Variants in ATG13 observed in about 807,000 individuals in gnomAD.
ATG13 encodes the protein autophagy-related protein 13.
ATG13 carries 23 observed loss-of-function variants against 65.5 expected under a neutral mutation model. That is an observed-to-expected ratio of 0.35 (90% CI 0.25 to 0.50). ATG13 has a LOEUF of 0.50. ATG13 is among the 20% of genes least tolerant of loss of function. ATG13 has a pLI of 0.98. For missense variants in ATG13, 566 were observed against 677.0 expected, an observed-to-expected ratio of 0.84 and a Z score of 1.82; for synonymous variants, 252 against 245.2, an observed-to-expected ratio of 1.03 and a Z score of -0.26.
At chr11:46,629,641 C>A (rs946930465) in intron 1 of ATG13, among the ~76,000 whole-genome samples, 8 of 152,164 alleles carry the variant, frequency 5.3e-5, no homozygotes, top group Admixed American at 3.3e-4. Flanking sequence ...AGATGATCCA[C>A]CCGCTTCGGC....
chr11:46,646,036 C>T (rs772654146), intron 5 of ATG13, 47 bp downstream of exon 5: 6 of 1,610,258 alleles, frequency 3.7e-6, no homozygotes, highest in African/African-American at 1.3e-5. Context: ...CTGAAGGCTC[C>T]TCACACTCTG....
intron 11 of ATG13, among the ~76,000 whole-genome samples, chr11:46,663,183 G>A (rs942253363): frequency 9.6e-5 from 14 of 145,108 alleles, no homozygotes; most frequent in East Asian, 6.5e-4. Context: ...GGAGAATGGC[G>A]TGAACCTGGG....
At chr11:46,659,997 T>A (rs1180185505) in intron 11 of ATG13, 1 of 153,384 alleles carries the variant, frequency 6.5e-6, no homozygotes, top group Admixed American at 6.5e-5. Context: ...CAGTCTTCAG[T>A]GGCAAACCCA....
chr11:46,639,948 G>T (rs1300210747), intron 2 of ATG13, among the ~76,000 whole-genome samples: 2 of 150,796 alleles, frequency 1.3e-5, no homozygotes, highest in African/African-American at 4.9e-5. Flanking sequence ...CTGCCTCCCA[G>T]GCTCAAGCAA....
intron 10 of ATG13, among the ~76,000 whole-genome samples, chr11:46,658,619 T>C (rs985652361): frequency 2.0e-5 from 3 of 151,742 alleles, no homozygotes; most frequent in Non-Finnish European, 4.4e-5. Context: ...CACCGCAGCC[T>C]TCACCTCTTG....
At chr11:46,650,735 A>T (rs2058721911) in intron 7 of ATG13, among the ~76,000 whole-genome samples, 1 of 152,178 alleles carries the variant, frequency 6.6e-6, no homozygotes, top group Non-Finnish European at 1.5e-5. Context: ...CCTCCCGAGT[A>T]GATGGGACTA....
rs1041133378 is a variant in ATG13, at chr11:46,673,917, T to C, written c.*1585T>C. ...GTGACACTGTTCCCACATACAAGGCTGACTTCTGAGGATTGGAGCAGGCTC... is the reference window on the plus strand; with the variant it reads ...GTGACACTGTTCCCACATACAAGGCCGACTTCTGAGGATTGGAGCAGGCTC... On this transcript the variant is annotated 3_prime_UTR_variant, in exon 19 of 19. Transcript: ENST00000683050. 3.9e-5 allele frequency: 6 copies of C among 152,344 alleles called. No individual in the cohort carries two copies. The highest frequency in any genetic ancestry group is 1.4e-4 in the African/African-American group (6 of 41,572). The allele number at this position is 152,344 out of a possible 1,614,324, so 9.4% of individuals were successfully genotyped here.
chr11:46,645,786 A>G (rs1026046989), intron 4 of ATG13, 84 bp from the exon 5 acceptor site: 3 of 1,552,874 alleles, frequency 1.9e-6, no homozygotes, highest in African/African-American at 2.7e-5. Flanking sequence ...CCACAGCAAT[A>G]CTTGCATTAC....
At chr11:46,637,889 G>A (rs1267249831) in intron 2 of ATG13, among the ~76,000 whole-genome samples, 2 of 152,192 alleles carry the variant, frequency 1.3e-5, no homozygotes, top group African/African-American at 2.4e-5. Context: ...GTTAGGAGGT[G>A]CATATTTGGC....
chr11:46,655,263 G>A (rs1036948102), intron 7 of ATG13, among the ~76,000 whole-genome samples: 1 of 152,090 alleles, frequency 6.6e-6, no homozygotes, highest in Non-Finnish European at 1.5e-5. Context: ...GCCGGGCGCG[G>A]TGGCGGACAC....
At chr11:46,645,550 C>G in intron 4 of ATG13, 131 bp downstream of exon 4, 4 of 825,516 alleles carry the variant, frequency 4.8e-6, no homozygotes, top group Non-Finnish European at 7.4e-6. Context: ...TCCATTTGAT[C>G]CATTTACTTG....
At chr11:46,619,822 G>C (rs529593210) in intron 1 of ATG13, among the ~76,000 whole-genome samples, 43 of 151,904 alleles carry the variant, frequency 2.8e-4, no homozygotes, top group African/African-American at 9.6e-4. Context: ...GAGGTCAGGA[G>C]TTCAAGACCA....
intron 1 of ATG13, 169 bp downstream of exon 1, chr11:46,618,059 G>GTT (rs1490954768): frequency 7.6e-6 from 3 of 395,890 alleles, no homozygotes; most frequent in Non-Finnish European, 8.9e-6. Flanking sequence ...TCTAGGCCCC[G>GTT]TTGGCCCCTG....
At chr11:46,625,710 CAG>C (rs551859854) in intron 1 of ATG13, among the ~76,000 whole-genome samples, 93 of 152,252 alleles carry the variant, frequency 6.1e-4, no homozygotes, top group African/African-American at 2.1e-3. Flanking sequence ...GATCAGGGAA[CAG>C]AGATTAACCT....
At chr11:46,623,162 C>A (rs1175297441) in intron 1 of ATG13, among the ~76,000 whole-genome samples, 1 of 151,744 alleles carries the variant, frequency 6.6e-6, no homozygotes, top group Admixed American at 6.6e-5. Flanking sequence ...TGTGTGGTGG[C>A]GGGCACCTGG....
At chr11:46,636,353 C>T (rs961218313) in intron 2 of ATG13, among the ~76,000 whole-genome samples, 15 of 151,772 alleles carry the variant, frequency 9.9e-5, no homozygotes, top group Non-Finnish European at 1.3e-4. Flanking sequence ...GTCAGGAGAT[C>T]GAGACCATCC....
chr11:46,642,585 G>A (rs1459993091), intron 2 of ATG13, among the ~76,000 whole-genome samples: 1 of 152,056 alleles, frequency 6.6e-6, no homozygotes, highest in Non-Finnish European at 1.5e-5. Flanking sequence ...GATTACAGGC[G>A]TGAGCCACCG....
chr11:46,645,380 T>G lies in ATG13; in HGVS notation c.111T>G (p.Ile37Met), dbSNP rs1054296018. The G allele has an allele frequency of 2.5e-6, 4 of 1,613,812 alleles. No homozygotes were observed. The African/African-American group carries it at 4.0e-5, about 16-fold the overall frequency. Residue 37 changes from isoleucine to methionine, a missense_variant, in exon 4 of 19, where the codon ATT becomes ATG. Physicochemically the swap from Ile to Met is conservative, Grantham distance 10. Transcript: ENST00000683050. Reference sequence around the variant, plus strand: ...TCCAGGCTCGGCTTGGTGAAAAGATTTGCACTCGTTCATCATCTTCTCCAA... The same window carrying G: ...TCCAGGCTCGGCTTGGTGAAAAGATGTGCACTCGTTCATCATCTTCTCCAA... ...VIVQARLGEK[I>M]CTRSSSSPTG...
intron 7 of ATG13, 58 bp downstream of exon 7, chr11:46,650,375 G>T: frequency 6.4e-7 from 1 of 1,562,040 alleles, no homozygotes; most frequent in Non-Finnish European, 8.7e-7. Flanking sequence ...TTTGTACATT[G>T]TCTGGCATTT....
Sources: gnomAD v4.1 joint callset for allele counts (sites outside exome capture counted in the v4.1 genomes callset) on GRCh38, gnomAD v4.1.1 for gene constraint, MANE v1.5 for transcripts, NCBI Gene and HGNC (gene_info 2026-07-23, HGNC 2026-07-21) for gene names.